Variants in PHF20 observed in about 807,000 individuals in gnomAD.
The protein encoded by PHF20 is PHD finger protein 20.
Under a neutral mutation model 113.5 loss-of-function variants are expected in PHF20, and 23 were observed. The ratio of observed to expected loss-of-function variants is 0.20; its 90% CI spans 0.15 to 0.29. The LOEUF is 0.29. Ranked by LOEUF, PHF20 falls within the 10% of genes least tolerant of loss-of-function variation. PHF20 has a pLI of 1.00. For missense variants in PHF20, 943 were observed against 1,219.6 expected (o/e 0.77, Z 3.38); for synonymous variants, 434 against 457.3 (o/e 0.95, Z 0.65).
chr20:35,864,946 G>T (rs2054288435), intron 6 of PHF20, among the ~76,000 whole-genome samples: 1 of 152,154 alleles, frequency 6.6e-6, no homozygotes, highest in Non-Finnish European at 1.5e-5. Flanking sequence ...AGTGGTTTGG[G>T]AGGTCCAGGC....
chr20:35,914,480 A>T (rs2055364295), intron 12 of PHF20, among the ~76,000 whole-genome samples: 1 of 152,218 alleles, frequency 6.6e-6, no homozygotes, highest in Non-Finnish European at 1.5e-5. Flanking sequence ...CCTCAAAAGC[A>T]TAGACAATAA....
chr20:35,930,718 A>G (rs1458264794), intron 14 of PHF20, among the ~76,000 whole-genome samples: 1 of 152,182 alleles, frequency 6.6e-6, no homozygotes, highest in Non-Finnish European at 1.5e-5. Context: ...GGTGGTAAGG[A>G]GCCAACCCTG....
intron 14 of PHF20, among the ~76,000 whole-genome samples, chr20:35,930,956 G>C (rs771236633): frequency 1.4e-4 from 21 of 152,092 alleles, no homozygotes; most frequent in Non-Finnish European, 2.9e-4. Context: ...GTTTTAAGTA[G>C]GGGAGAGAAT....
At chr20:35,845,477 T>G (rs894801522) in intron 3 of PHF20, 3 of 297,940 alleles carry the variant, frequency 1.0e-5, no homozygotes, top group African/African-American at 6.6e-5. Flanking sequence ...GCAATCCTCC[T>G]TCCTCAGCCT....
chr20:35,877,069 T>C (rs2054538602), intron 9 of PHF20, among the ~76,000 whole-genome samples: 1 of 134,690 alleles, frequency 7.4e-6, no homozygotes, highest in Non-Finnish European at 1.5e-5. Flanking sequence ...ATCATGCCAC[T>C]GCACTCCAGC....
chr20:35,815,187 ACT>A (rs1374545170), intron 2 of PHF20, among the ~76,000 whole-genome samples: 3 of 151,934 alleles, frequency 2.0e-5, no homozygotes, highest in Non-Finnish European at 4.4e-5. Context: ...ACAGAGGGAG[ACT>A]CTGTCCCCCG....
intron 6 of PHF20, among the ~76,000 whole-genome samples, chr20:35,865,272 G>A (rs960579316): frequency 6.6e-5 from 10 of 152,038 alleles, no homozygotes; most frequent in African/African-American, 2.4e-4. Flanking sequence ...AGGCTGATGA[G>A]GGAGGATCAC....
At chr20:35,805,115 G>C (rs1054158114) in intron 2 of PHF20, among the ~76,000 whole-genome samples, 14 of 151,558 alleles carry the variant, frequency 9.2e-5, no homozygotes, top group Non-Finnish European at 1.8e-4. Flanking sequence ...TGTTGGCCAG[G>C]CTGGTCTTGA....
chr20:35,913,442 C>CA (rs1168532451), intron 11 of PHF20, 95 bp downstream of exon 11: 1 of 831,328 alleles, frequency 1.2e-6, no homozygotes, highest in African/African-American at 1.7e-5. Flanking sequence ...CTGCGCTGAG[C>CA]AGAGGAAGGA....
At chr20:35,826,117 T>G (rs1035337545) in intron 2 of PHF20, among the ~76,000 whole-genome samples, 1 of 152,128 alleles carries the variant, frequency 6.6e-6, no homozygotes, top group African/African-American at 2.4e-5. Flanking sequence ...CGTTCTCGGC[T>G]TACTGCAACC....
At chr20:35,823,781 A>C (rs982688802) in intron 2 of PHF20, among the ~76,000 whole-genome samples, 2 of 152,036 alleles carry the variant, frequency 1.3e-5, no homozygotes, top group Admixed American at 6.6e-5. Flanking sequence ...TCCTTTGTCT[A>C]TACAGTTTTG....
intron 2 of PHF20, among the ~76,000 whole-genome samples, chr20:35,839,538 C>G (rs1352039602): frequency 6.6e-6 from 1 of 152,106 alleles, no homozygotes; most frequent in Non-Finnish European, 1.5e-5. Flanking sequence ...GTCCTTCTCC[C>G]CATTTTACAG....
intron 9 of PHF20, among the ~76,000 whole-genome samples, chr20:35,892,872 C>G (rs1235493146): frequency 6.6e-6 from 1 of 152,214 alleles, no homozygotes; most frequent in Non-Finnish European, 1.5e-5. Flanking sequence ...GGAAATCTTA[C>G]TTCCTGAGTT....
chr20:35,911,468 G>A (rs1441593124), intron 10 of PHF20, among the ~76,000 whole-genome samples: 1 of 152,222 alleles, frequency 6.6e-6, no homozygotes, highest in African/African-American at 2.4e-5. Context: ...AAACTGCTAT[G>A]AGTCTTCATG....
intron 3 of PHF20, 143 bp downstream of exon 3, chr20:35,842,887 G>A (rs112113471): frequency 3.7e-5 from 25 of 672,632 alleles, no homozygotes; most frequent in Middle Eastern, 3.3e-4. Context: ...TATGACACCT[G>A]GGGCTCTTGA....
At chr20:35,908,189 C>A (rs1356274500) in intron 10 of PHF20, among the ~76,000 whole-genome samples, 1 of 152,202 alleles carries the variant, frequency 6.6e-6, no homozygotes, top group Non-Finnish European at 1.5e-5. Context: ...GATAGGAGTG[C>A]CTCCCTGCAG....
Position 35,847,379 on chromosome 20 carries a change from T to C in PHF20, c.285T>C (p.Ala95=). 1.2e-6 allele frequency: 2 copies of C among 1,612,802 alleles called. No homozygotes were observed. The highest frequency in any genetic ancestry group is 2.2e-5 in the South Asian group (2 of 90,988). Residue 95 remains alanine, a synonymous_variant, in exon 4 of 18, where the codon GCT becomes GCC. Transcript: ENST00000374012. ...TTCAAATAAATGAGCAGGTCCTTGC[T>C]TGCTGGTCTGATTGTCGTTTTTACC... ...SEFQINEQVL[A]CWSDCRFYPA...
chr20:35,928,313 C>T (rs2055682865), intron 14 of PHF20, among the ~76,000 whole-genome samples: 1 of 151,858 alleles, frequency 6.6e-6, no homozygotes, highest in Non-Finnish European at 1.5e-5. Flanking sequence ...GTGACAGGCG[C>T]CTGTAACCCC....
chr20:35,868,853 G>T (rs753829425), intron 6 of PHF20, among the ~76,000 whole-genome samples: 6 of 152,106 alleles, frequency 3.9e-5, no homozygotes, highest in Non-Finnish European at 8.8e-5. Flanking sequence ...AACTTTGGGA[G>T]GACGAGGCAG....
Sources: allele counts gnomAD v4.1 joint callset (sites outside exome capture counted in the v4.1 genomes callset), GRCh38; gene constraint gnomAD v4.1.1; transcripts MANE v1.5; gene names NCBI Gene and HGNC (gene_info 2026-07-23, HGNC 2026-07-21).